Variants in TENM3 observed in about 807,000 individuals in gnomAD.
The protein encoded by TENM3 is teneurin-3.
In TENM3, 63 loss-of-function variants were observed where a neutral mutation model predicts 255.1. That is an observed-to-expected ratio of 0.25 (90% CI 0.20 to 0.30). The LOEUF (loss-of-function observed/expected upper bound fraction) is 0.30, where lower values mean the gene tolerates loss of function less well. Among genes scored for constraint, TENM3 ranks in the 10% least tolerant of loss-of-function variants. The pLI, the probability that TENM3 is intolerant of heterozygous loss-of-function variation, is 1.00. For synonymous variants in TENM3, 1,306 were observed against 1,322.3 expected, an observed-to-expected ratio of 0.99 and a Z score of 0.27; for missense variants, 2,929 against 3,461.1, an observed-to-expected ratio of 0.85 and a Z score of 3.86.
chr4:182,632,429 G>C (rs1198808853), intron 5 of TENM3, among the ~76,000 whole-genome samples: 1 of 152,022 alleles, frequency 6.6e-6, no homozygotes, highest in Non-Finnish European at 1.5e-5. Flanking sequence ...CTATTTATCT[G>C]TCTATATTTT....
At chr4:182,130,373 A>G in the TENM3 span, among the ~76,000 whole-genome samples, 1 of 152,212 alleles carries the variant, frequency 6.6e-6, no homozygotes, top group Non-Finnish European at 1.5e-5. Context: ...AGTAAGATAA[A>G]TGGATCAAAC....
intron 6 of TENM3, among the ~76,000 whole-genome samples, chr4:182,661,349 A>G (rs1237655139): frequency 1.3e-5 from 2 of 151,830 alleles, no homozygotes; most frequent in East Asian, 3.9e-4. Context: ...TAAATTTTAC[A>G]TTTTTGATCA....
At chr4:182,100,518 C>T in the TENM3 span, among the ~76,000 whole-genome samples, 1 of 145,262 alleles carries the variant, frequency 6.9e-6, no homozygotes, top group African/African-American at 2.5e-5. Flanking sequence ...TATATATACA[C>T]ACATATATAT....
chr4:181,611,179 C>T, the TENM3 span, among the ~76,000 whole-genome samples: 1 of 152,154 alleles, frequency 6.6e-6, no homozygotes, highest in African/African-American at 2.4e-5. Context: ...TACTTGTAGG[C>T]GAACGTGGGA....
At chr4:182,574,759 A>T (rs2152033603) in intron 3 of TENM3, among the ~76,000 whole-genome samples, 1 of 152,188 alleles carries the variant, frequency 6.6e-6, no homozygotes, top group Admixed American at 6.5e-5. Flanking sequence ...TGGTAGTAAG[A>T]ACGTAAGCTT....
the TENM3 span, among the ~76,000 whole-genome samples, chr4:181,918,067 T>G: frequency 6.6e-6 from 1 of 152,216 alleles, no homozygotes; most frequent in Non-Finnish European, 1.5e-5. Flanking sequence ...CATCAGTTTC[T>G]TCTCTCTAAA....
chr4:182,755,545 A>AG (rs1762669248), intron 22 of TENM3, among the ~76,000 whole-genome samples: 1 of 152,062 alleles, frequency 6.6e-6, no homozygotes, highest in South Asian at 2.1e-4. Flanking sequence ...GTATCTCTAA[A>AG]GAAAAAAAAA....
At chr4:181,634,138 G>C in the TENM3 span, among the ~76,000 whole-genome samples, 2 of 152,162 alleles carry the variant, frequency 1.3e-5, no homozygotes, top group African/African-American at 4.8e-5. Context: ...TAGAATACCT[G>C]ATGTTTGGAG....
At chr4:182,066,827 C>A in the TENM3 span, among the ~76,000 whole-genome samples, 3 of 151,974 alleles carry the variant, frequency 2.0e-5, no homozygotes, top group South Asian at 6.2e-4. Context: ...AGGAGAATGG[C>A]GTGAACCCGG....
the TENM3 span, among the ~76,000 whole-genome samples, chr4:182,091,116 T>C: frequency 0.027 from 4,148 of 152,246 alleles, 93 homozygotes; most frequent in South Asian, 0.066. Context: ...AGTTTCAGAA[T>C]GGAGAAAAGT....
At chr4:181,512,649 T>C in the TENM3 span, among the ~76,000 whole-genome samples, 2 of 152,334 alleles carry the variant, frequency 1.3e-5, no homozygotes, top group South Asian at 2.1e-4. Flanking sequence ...TGCTTCCACC[T>C]GCGTTTGAAA....
chr4:182,495,301 C>T (rs1387131266), intron 3 of TENM3, among the ~76,000 whole-genome samples: 1 of 152,176 alleles, frequency 6.6e-6, no homozygotes, highest in Non-Finnish European at 1.5e-5. Context: ...CTGATCTCTG[C>T]AGCTGCTGTG....
At chr4:181,458,998 AG>A in the TENM3 span, among the ~76,000 whole-genome samples, 11 of 151,978 alleles carry the variant, frequency 7.2e-5, no homozygotes, top group Non-Finnish European at 1.3e-4. Context: ...AAGTTGCCTT[AG>A]CACTTGGCAT....
chr4:181,948,651 C>T, the TENM3 span, among the ~76,000 whole-genome samples: 1 of 152,046 alleles, frequency 6.6e-6, no homozygotes, highest in African/African-American at 2.4e-5. Context: ...CTCCTGACCT[C>T]GTGATCTGCC....
At chr4:181,467,084 C>T in the TENM3 span, among the ~76,000 whole-genome samples, 9,036 of 58,804 alleles carry the variant, frequency 0.15, 1,076 homozygotes, top group East Asian at 0.32. Flanking sequence ...TGTGTGTGTG[C>T]GTGTGTGTGT....
chr4:182,085,183 C>T, the TENM3 span: 1 of 152,184 alleles, frequency 6.6e-6, no homozygotes, highest in African/African-American at 2.4e-5. Flanking sequence ...ACCTACATGA[C>T]AAAAGGATAA....
At chr4:181,657,904 T>C in the TENM3 span, among the ~76,000 whole-genome samples, 1 of 152,176 alleles carries the variant, frequency 6.6e-6, no homozygotes, top group East Asian at 1.9e-4. Context: ...AAAAATACTG[T>C]GTGTTCTCAC....
intron 5 of TENM3, among the ~76,000 whole-genome samples, chr4:182,641,370 G>A (rs1250492139): frequency 6.6e-6 from 1 of 152,012 alleles, no homozygotes; most frequent in Admixed American, 6.5e-5. Context: ...TTTCAGTAAT[G>A]GTGATTACAA....
chr4:182,092,779 T>C, the TENM3 span, among the ~76,000 whole-genome samples: 1 of 152,240 alleles, frequency 6.6e-6, no homozygotes, highest in African/African-American at 2.4e-5. Flanking sequence ...AAATGAAATC[T>C]TTAGTCAGTA....
Sources: allele counts gnomAD v4.1 joint callset (sites outside exome capture counted in the v4.1 genomes callset), GRCh38; gene constraint gnomAD v4.1.1; transcripts MANE v1.5; gene names NCBI Gene and HGNC (gene_info 2026-07-23, HGNC 2026-07-21).